The following OGDH variants were observed in gnomAD, a reference collection of about 807,000 sequenced individuals.
OGDH encodes 2-oxoglutarate dehydrogenase complex component E1.
A neutral mutation model predicts 116.6 loss-of-function variants in OGDH; 38 were observed. That is an observed-to-expected ratio of 0.33 (90% CI 0.25 to 0.43). The LOEUF is 0.43. OGDH is among the 20% of genes least tolerant of loss of function. The probability of loss-of-function intolerance (pLI) is 1.00; values close to 1 mark genes in which losing one functional copy is unlikely to be tolerated. For missense variants in OGDH, 825 were observed against 1,357.2 expected, an observed-to-expected ratio of 0.61 and a Z score of 6.16; for synonymous variants, 488 against 533.3, an observed-to-expected ratio of 0.92 and a Z score of 1.17.
rs1383645020 is a variant in OGDH at position 44,673,859 on chromosome 7, C to A, written c.706C>A (p.Gln236Lys). The change falls in exon 6 of 23, where the codon CAG becomes AAG. Residue 236 changes from glutamine to lysine, a missense_variant. By Grantham distance (53) the Gln-to-Lys change is moderately conservative. This residue lies in a region of OGDH where 171 missense variants were observed against 276.8 expected (regional missense o/e 0.62). Coordinates refer to ENST00000222673, the MANE Select transcript of OGDH (RefSeq NM_002541.4). ...NDLEQCQWIR[Q>K]KFETPGIMQF... ...CCTGGAGCAGTGCCAGTGGATCCGG[C>A]AGAAGTTTGAGACCCCTGGGATCAT... 1 of 1,614,216 alleles carries A rather than the reference C, an allele frequency of 6.2e-7. No individual in the cohort carries two copies. Among genetic ancestry groups the A allele is most frequent in the East Asian group, 2.2e-5 (1 of 44,890 alleles).
At chr7:44,688,952 G>T (rs995489555) in intron 10 of OGDH, among the ~76,000 whole-genome samples, 5 of 152,034 alleles carry the variant, frequency 3.3e-5, no homozygotes, top group African/African-American at 1.2e-4. Context: ...GTTTCGCCTT[G>T]TTGGCCAGGC....
chr7:44,693,256 T>G (rs2116333396), intron 10 of OGDH, among the ~76,000 whole-genome samples: 1 of 151,470 alleles, frequency 6.6e-6, no homozygotes, highest in Admixed American at 6.6e-5. Flanking sequence ...TGCAGTGAGC[T>G]GAGATCACGC....
intron 1 of OGDH, among the ~76,000 whole-genome samples, chr7:44,619,471 G>A (rs1295550275): frequency 2.0e-5 from 3 of 152,208 alleles, no homozygotes; most frequent in Non-Finnish European, 1.5e-5. Flanking sequence ...TGTTGTGTGA[G>A]AGCAGAGGAA....
Position 44,697,356 on chromosome 7 carries a change from T to C in OGDH, c.2052-14T>C. ...TCAGAGCTCCTAATTATTACCTCTGTTGTCCTGTCTCAGCCACCGCCACCA... is the reference window on the plus strand; with the variant it reads ...TCAGAGCTCCTAATTATTACCTCTGCTGTCCTGTCTCAGCCACCGCCACCA... On this transcript the variant is annotated splice_polypyrimidine_tract_variant and intron_variant, in intron 15 of 22. Coordinates refer to ENST00000222673, the MANE Select transcript of OGDH (RefSeq NM_002541.4). This position sits in a 1 kb window ranked among gnomAD's most constrained non-coding sequence, Gnocchi z 6.0. 1 of 1,614,116 alleles carries C rather than the reference T, an allele frequency of 6.2e-7. No homozygotes were observed. The highest frequency in any genetic ancestry group is 8.5e-7 in the Non-Finnish European group (1 of 1,179,998).
At chr7:44,626,115 A>G (rs935784127) in intron 2 of OGDH, among the ~76,000 whole-genome samples, 5 of 152,158 alleles carry the variant, frequency 3.3e-5, no homozygotes, top group Admixed American at 2.0e-4. Flanking sequence ...GCAACCTGGG[A>G]GCAGCCTTGC....
intron 7 of OGDH, 90 bp downstream of exon 7, chr7:44,674,647 T>G: frequency 7.0e-7 from 1 of 1,420,952 alleles, no homozygotes; most frequent in Non-Finnish European, 9.7e-7. Flanking sequence ...AGAGCAGCTG[T>G]TTCCTCCTTG....
chr7:44,672,079 A>AAATT (rs1258693809), intron 5 of OGDH, among the ~76,000 whole-genome samples: 1 of 151,790 alleles, frequency 6.6e-6, no homozygotes, highest in East Asian at 1.9e-4. Context: ...AAAAATAAAT[A>AAATT]AATTAATTAA....
At chr7:44,612,867 T>C (rs1027756894) in intron 1 of OGDH, among the ~76,000 whole-genome samples, 3 of 143,654 alleles carry the variant, frequency 2.1e-5, no homozygotes, top group African/African-American at 8.6e-5. Context: ...GGCTGTTTTT[T>C]TTCTTTTCTT....
chr7:44,644,893 G>C (rs1786099869), intron 2 of OGDH, among the ~76,000 whole-genome samples: 1 of 152,202 alleles, frequency 6.6e-6, no homozygotes, highest in African/African-American at 2.4e-5. Flanking sequence ...AGAGTTTGCA[G>C]ACCTATAGAC....
intron 4 of OGDH, among the ~76,000 whole-genome samples, chr7:44,663,915 A>T (rs1232801274): frequency 6.6e-6 from 1 of 151,948 alleles, no homozygotes; most frequent in Non-Finnish European, 1.5e-5. Flanking sequence ...ACTCCAGCCT[A>T]TGCGACAGAG....
At chr7:44,662,116 A>C (rs1394752805) in intron 4 of OGDH, among the ~76,000 whole-genome samples, 1 of 152,178 alleles carries the variant, frequency 6.6e-6, no homozygotes, top group Non-Finnish European at 1.5e-5. Flanking sequence ...CATCAGACAG[A>C]GTTATAAGTT....
At chr7:44,682,651 A>G (rs998432110) in intron 10 of OGDH, among the ~76,000 whole-genome samples, 1 of 151,818 alleles carries the variant, frequency 6.6e-6, no homozygotes, top group African/African-American at 2.4e-5. Flanking sequence ...AGCCAAGATC[A>G]CACCACTAAG....
At chr7:44,703,877 C>T (rs1788949526) in intron 20 of OGDH, among the ~76,000 whole-genome samples, 2 of 150,880 alleles carry the variant, frequency 1.3e-5, no homozygotes. Context: ...AAGAGCGAAA[C>T]TCCGTCTCAA....
chr7:44,667,156 C>T (rs111430446), intron 5 of OGDH, among the ~76,000 whole-genome samples: 3 of 152,048 alleles, frequency 2.0e-5, no homozygotes, highest in African/African-American at 7.2e-5. Context: ...TTGCTGTGTT[C>T]CTCAGGCTGG....
At position 44,708,365 on chromosome 7, in the gene OGDH, T is replaced by A; in HGVS notation, c.*366T>A. 5.4e-6 allele frequency: 1 copy of A among 185,692 alleles called. No homozygotes were observed. The highest frequency in any genetic ancestry group is 1.1e-5 in the Non-Finnish European group (1 of 89,470). 11.5% of individuals were successfully genotyped at this position (185,692 alleles called of 1,614,324 possible). A position where few individuals can be genotyped will look rare whatever the true frequency, so the allele number is the denominator to read the frequency against. ...GGGCCTTGTGTGCTGGCTTCCGCTG[T>A]CACCCAGCAAGGCACAGGCTCCTGT... On this transcript the variant is annotated 3_prime_UTR_variant, in exon 23 of 23. Transcript: ENST00000222673.
At chr7:44,647,157 C>A (rs1786222285) in intron 3 of OGDH, among the ~76,000 whole-genome samples, 1 of 152,230 alleles carries the variant, frequency 6.6e-6, no homozygotes. Context: ...CAGCATATCT[C>A]ATTTCTGTTT....
At chr7:44,623,225 A>G (rs1422743274) in intron 1 of OGDH, among the ~76,000 whole-genome samples, 4 of 152,018 alleles carry the variant, frequency 2.6e-5, no homozygotes, top group Non-Finnish European at 5.9e-5. Flanking sequence ...GGGTCCTTCC[A>G]CATGCAGTGC....
chr7:44,617,485 T>C (rs927469640), intron 1 of OGDH, among the ~76,000 whole-genome samples: 12 of 152,154 alleles, frequency 7.9e-5, no homozygotes, highest in Admixed American at 7.9e-4. Context: ...AAAAAAACTT[T>C]ACAGTTTAAA....
intron 10 of OGDH, among the ~76,000 whole-genome samples, chr7:44,687,567 C>CA (rs1221894099): frequency 1.3e-5 from 2 of 151,874 alleles, no homozygotes; most frequent in Admixed American, 6.6e-5. Flanking sequence ...GGCCATGCAC[C>CA]ACCACACCTG....
Sources: allele counts gnomAD v4.1 joint callset (sites outside exome capture counted in the v4.1 genomes callset), GRCh38; gene constraint gnomAD v4.1.1; regional missense constraint gnomAD v4.1.1; non-coding constraint Gnocchi (gnomAD v3.1); transcripts MANE v1.5; gene names NCBI Gene and HGNC (gene_info 2026-07-23, HGNC 2026-07-21).